The following JAG2 variants were observed in gnomAD, a reference collection of about 807,000 sequenced individuals.
JAG2 encodes jagged canonical Notch ligand 2, also known as protein jagged-2.
A neutral mutation model predicts 141.7 loss-of-function variants in JAG2; 46 were observed. The ratio of observed to expected loss-of-function variants is 0.32; its 90% CI spans 0.26 to 0.42. JAG2 has a LOEUF of 0.42. Ranked by LOEUF, JAG2 falls within the 10% of genes least tolerant of loss-of-function variation. JAG2 has a pLI of 1.00. For missense variants in JAG2, 1,500 were observed against 1,817.5 expected (o/e 0.83, Z 3.18); for synonymous variants, 862 against 763.5 (o/e 1.13, Z -2.13).
rs1003570337 is a variant in JAG2 at position 105,141,402 on chromosome 14, G to C, written c.*1293C>G. 6.6e-6 allele frequency: 1 copy of C among 152,358 alleles called. No individual in the cohort carries two copies. The highest frequency in any genetic ancestry group is 6.5e-5 in the Admixed American group (1 of 15,304). The allele number at this position is 152,358 out of a possible 1,614,324, so 9.4% of individuals were successfully genotyped here. On this transcript the variant is annotated 3_prime_UTR_variant, in exon 26 of 26. Transcript: ENST00000331782. ...TGACCTGTTAATTCCTTAAGACCTT[G>C]ATACGTATTCGTGGGTAAGCAATTT...
Position 105,155,964 on chromosome 14 carries a change from C to T in JAG2, c.501G>A (p.Ser167=), listed in dbSNP as rs1342988375. 8 of 1,607,478 alleles carry T rather than the reference C, an allele frequency of 5.0e-6. No individual in the cohort carries two copies. Among genetic ancestry groups the T allele is most frequent in the South Asian group, 2.2e-5 (2 of 91,008 alleles). ...PNEELLIERV[S]HAGMINPEDR... ...CCTCCGGGTTGATCATGCCGGCATG[C>T]GACACTCGCTCGATCAGCAGCTCCT... is the stretch of plus-strand genomic sequence containing the variant. The change falls in exon 4 of 26, where the codon TCG becomes TCA. Residue 167 remains serine, a synonymous_variant. Coordinates refer to ENST00000331782, the MANE Select transcript of JAG2 (RefSeq NM_002226.5).
In JAG2 at chr14:105,148,751, C is replaced by T. The variant is rs1888311053; in HGVS notation, c.2014G>A (p.Asp672Asn). 2.6e-6 allele frequency: 4 copies of T among 1,566,806 alleles called. No homozygotes were observed. The highest frequency in any genetic ancestry group is 2.3e-5 in the South Asian group (2 of 85,584). ...CPSGWEGELCDTNPNDCLPDP... is the reference protein window; with the variant it reads ...CPSGWEGELCNTNPNDCLPDP... ...CGGGTGCTGGAACACTCACTGGTGT[C>T]GCAGAGCTCGCCCTCCCAGCCGCTG... Residue 672 changes from aspartate to asparagine, a missense_variant, in exon 15 of 26, where the codon GAC becomes AAC. Transcript: ENST00000331782.
intron 2 of JAG2, among the ~76,000 whole-genome samples, chr14:105,159,256 G>A (rs1253054837): frequency 1.3e-5 from 2 of 152,012 alleles, no homozygotes; most frequent in African/African-American, 4.8e-5. Context: ...CCTGCCTGCA[G>A]AACACCCGGG....
At chr14:105,152,320 C>T (rs750545603) in intron 5 of JAG2, 29 bp from the exon 6 acceptor site, 25 of 1,609,408 alleles carry the variant, frequency 1.6e-5, no homozygotes, top group Non-Finnish European at 1.2e-5. Context: ...GCGCAAGACC[C>T]AGTGAGCTGT....
At chr14:105,157,807 G>A (rs1888624842) in intron 2 of JAG2, 44 bp from the exon 3 acceptor site, 1 of 1,517,970 alleles carries the variant, frequency 6.6e-7, no homozygotes, top group Non-Finnish European at 8.9e-7. Flanking sequence ...GGCCACACCT[G>A]CCTGCCTCGT....
rs587755609 is a variant in JAG2 at position 105,147,348 on chromosome 14, G to A, written c.2457C>T (p.Phe819=). The A allele has an allele frequency of 2.7e-5, 43 of 1,570,130 alleles. No individual in the cohort carries two copies. The highest frequency in any genetic ancestry group is 7.1e-5 in the East Asian group (3 of 42,036). ...NWFRCECAPG[F]AGPDCRINID... ...CACTGATGCGGCAGTCAGGCCCCGC[G>A]AAGCCAGGTGCACACTCGCAGCGGA... is the stretch of plus-strand genomic sequence containing the variant. Residue 819 remains phenylalanine (F), a synonymous_variant, in exon 20 of 26, where the codon TTC becomes TTT. Transcript: ENST00000331782.
At position 105,147,827 on chromosome 14, in the gene JAG2, C is replaced by T. The variant is rs1228203765; in HGVS notation, c.2310G>A (p.Gly770=). The part of the protein sequence containing the change: ...CVNGGTCVGS[G]ASFSCICRDG... ...CCCGGCAGATGCAGGAGAAGGAGGC[C>T]CCGCTGCCCACGCAGGTGCCACCAT... Residue 770 remains glycine (G), a synonymous_variant, in exon 18 of 26, where the codon GGG becomes GGA. Coordinates refer to ENST00000331782, the MANE Select transcript of JAG2 (RefSeq NM_002226.5). 3 of 1,550,392 alleles carry T rather than the reference C, an allele frequency of 1.9e-6. No homozygotes were observed. Among genetic ancestry groups the T allele is most frequent in the Admixed American group, 2.0e-5 (1 of 51,074 alleles).
At chr14:105,152,355 G>A (rs1363517371) in intron 5 of JAG2, 64 bp from the exon 6 acceptor site, 2 of 1,566,808 alleles carry the variant, frequency 1.3e-6, no homozygotes, top group East Asian at 2.3e-5. Flanking sequence ...TGGCAGGGGA[G>A]CCAGGCACAG....
In JAG2 at chr14:105,146,622, C is replaced by A; in HGVS notation, c.2582G>T (p.Arg861Leu). The change falls in exon 21 of 26, where the codon CGG (arginine) becomes CTG (leucine). Residue 861 changes from arginine to leucine, a missense_variant. Arg to Leu is a moderately radical substitution (Grantham distance 102, BLOSUM62 -2). Transcript: ENST00000331782. ...CSCPPGRAGP[R>L]CQEVIGFGRS... ...CACACGGGGCCTACCTTCCTGGCAC[C>A]GGGGGCCGGCTCGGCCGGGTGGGCA... The A allele has an allele frequency of 1.2e-6, 2 of 1,612,534 alleles. No individual in the cohort carries two copies. The highest frequency in any genetic ancestry group is 1.1e-5 in the South Asian group (1 of 91,078).
Position 105,147,863 on chromosome 14 carries a change from G to T in JAG2, c.2274C>A (p.Asn758Lys). Residue 758 changes from asparagine (N) to lysine (K), a missense_variant, in exon 18 of 26, where the codon AAC becomes AAA. Physicochemically the swap from Asn to Lys is moderately conservative, Grantham distance 94. Transcript: ENST00000331782. Reference sequence around the variant, plus strand: ...CGCAGGTGCCACCATTCACACAGGGGTTGGGCAGGCAGCTGCTGTTCTTGG... The same window carrying T: ...CGCAGGTGCCACCATTCACACAGGGTTTGGGCAGGCAGCTGCTGTTCTTGG... ...AVAKNSSCLP[N>K]PCVNGGTCVG... 2 of 1,553,088 alleles carry T rather than the reference G, an allele frequency of 1.3e-6. No individual in the cohort carries two copies. The highest frequency in any genetic ancestry group is 1.7e-6 in the Non-Finnish European group (2 of 1,149,856).
rs1411299647 is a variant in JAG2, at chr14:105,148,998, C to A, written c.1845G>T (p.Gln615His). 2.5e-6 allele frequency: 4 copies of A among 1,607,048 alleles called. No homozygotes were observed. The highest frequency in any genetic ancestry group is 3.4e-6 in the Non-Finnish European group (4 of 1,177,546). Residue 615 changes from glutamine (Q) to histidine (H), a missense_variant, in exon 14 of 26, where the codon CAG becomes CAT. Transcript: ENST00000331782. ...VCGPHGRCVS[Q>H]PGGNFSCICD... ...AGATGCAGGAAAAGTTGCCCCCTGG[C>A]TGGCTGACGCAGCGTCCATGGGGGC...
chr14:105,155,046 C>T (rs1888539766), intron 5 of JAG2, among the ~76,000 whole-genome samples: 1 of 146,934 alleles, frequency 6.8e-6, no homozygotes, highest in Non-Finnish European at 1.5e-5. Flanking sequence ...CTCACAGCCT[C>T]CCGTCTGGTG....
rs976237453 is a variant in JAG2 at position 105,149,376 on chromosome 14, A to G, written c.1603-56T>C. The G allele has an allele frequency of 1.8e-5, 29 of 1,606,050 alleles. No homozygotes were observed. In the African/African-American group the frequency reaches 3.1e-4, roughly 17 times the overall value. The stretch of plus-strand genomic sequence containing the variant: ...AGGCCCAGGCCCAGGCCGGGAACAC[A>G]GGCCAGGCCTCTGTCCATACGAAGG... On this transcript the variant is annotated intron_variant, in intron 12 of 25. Coordinates refer to ENST00000331782, the MANE Select transcript of JAG2 (RefSeq NM_002226.5).
At chr14:105,168,148 C>T (rs1309173013) in intron 1 of JAG2, 41 bp from the exon 2 acceptor site, 3 of 1,432,862 alleles carry the variant, frequency 2.1e-6, no homozygotes, top group Non-Finnish European at 1.8e-6. Context: ...AGGCGCGGGC[C>T]GGGGTCGGCG....
At position 105,148,135 on chromosome 14, in the gene JAG2, C is replaced by A; in HGVS notation, c.2229G>T (p.Lys743Asn). Residue 743 changes from lysine to asparagine, a missense_variant, in exon 17 of 26, where the codon AAG becomes AAT. Transcript: ENST00000331782. ...CCTCACCGACGGCGCAGGTGCTGCC[C>A]TTCCAGCCGGGGGGGCAGGCGCAGC... The part of the protein sequence containing the change: ...TFRCACPPGW[K>N]GSTCAVAKNS... 1 of 1,549,090 alleles carries A rather than the reference C, an allele frequency of 6.5e-7. No individual in the cohort carries two copies. The highest frequency in any genetic ancestry group is 1.4e-5 in the African/African-American group (1 of 73,148).
intron 2 of JAG2, among the ~76,000 whole-genome samples, chr14:105,166,535 G>T (rs969618772): frequency 6.6e-6 from 1 of 152,242 alleles, no homozygotes; most frequent in Non-Finnish European, 1.5e-5. Context: ...TACTCGGCGG[G>T]GTGCTCACGG....
chr14:105,143,213 C>T lies in JAG2; in HGVS notation c.3242-43G>A, dbSNP rs757750951. The T allele has an allele frequency of 3.2e-6, 5 of 1,568,744 alleles. No homozygotes were observed. The South Asian group carries it at 4.5e-5, about 14-fold the overall frequency. On this transcript the variant is annotated intron_variant, in intron 25 of 25. Coordinates refer to ENST00000331782, the MANE Select transcript of JAG2 (RefSeq NM_002226.5). Reference sequence around the variant, plus strand: ...GAGCCGGTGGGCAATGAGGCCTGGGCACCTGCGGGGCACTAGCCACACACC... The same window carrying T: ...GAGCCGGTGGGCAATGAGGCCTGGGTACCTGCGGGGCACTAGCCACACACC...
chr14:105,151,818 G>T, intron 7 of JAG2, 79 bp from the exon 8 acceptor site: 2 of 1,599,944 alleles, frequency 1.3e-6, no homozygotes, highest in African/African-American at 1.3e-5. Context: ...AAGCCCACAG[G>T]TTCCCAAGCT....
In JAG2 at chr14:105,148,553, G is replaced by A. The variant is rs1329483426; in HGVS notation, c.2021-114C>T. On this transcript the variant is annotated intron_variant, in intron 15 of 25. Transcript: ENST00000331782. Reference sequence around the variant, plus strand: ...GTGAGGACAGAGAGGGGCGGGGGAGGAGCGTCGGGCCGGGGGAGCTGGCCT... The same window carrying A: ...GTGAGGACAGAGAGGGGCGGGGGAGAAGCGTCGGGCCGGGGGAGCTGGCCT... 15 of 826,344 alleles carry A rather than the reference G, an allele frequency of 1.8e-5. 1 individual carries two copies. The East Asian group carries it at 3.7e-4, about 21-fold the overall frequency. 51.2% of individuals were successfully genotyped at this position (826,344 alleles called of 1,614,324 possible).
Sources: allele counts gnomAD v4.1 joint callset (sites outside exome capture counted in the v4.1 genomes callset), GRCh38; gene constraint gnomAD v4.1.1; transcripts MANE v1.5; gene names NCBI Gene and HGNC (gene_info 2026-07-23, HGNC 2026-07-21).